The following SLC20A2 variants were observed in gnomAD, a reference collection of about 807,000 sequenced individuals.
The protein encoded by SLC20A2 is solute carrier family 20 member 2.
SLC20A2 carries 30 observed loss-of-function variants against 61.0 expected under a neutral mutation model. The ratio of observed to expected loss-of-function variants is 0.49; its 90% CI spans 0.37 to 0.67. SLC20A2 has a LOEUF of 0.67. Ranked by LOEUF, SLC20A2 falls within the 30% of genes least tolerant of loss-of-function variation. SLC20A2 has a pLI of 0.00. For synonymous variants in SLC20A2, 351 were observed against 353.3 expected (o/e 0.99, Z 0.07); for missense variants, 626 against 866.4 (o/e 0.72, Z 3.48).
At chr8:42,462,770 TA>T (rs1315169849) in intron 4 of SLC20A2, among the ~76,000 whole-genome samples, 3 of 152,208 alleles carry the variant, frequency 2.0e-5, no homozygotes, top group African/African-American at 4.8e-5. Flanking sequence ...ATTAATGAAC[TA>T]AAGTACAGAG....
At chr8:42,436,068 A>T (rs1804225380) in intron 8 of SLC20A2, among the ~76,000 whole-genome samples, 1 of 151,860 alleles carries the variant, frequency 6.6e-6, no homozygotes, top group Non-Finnish European at 1.5e-5. Flanking sequence ...GTGAGCTGAG[A>T]TTGCGCCACT....
intron 5 of SLC20A2, among the ~76,000 whole-genome samples, chr8:42,447,329 G>C (rs2131069366): frequency 1.3e-5 from 2 of 149,540 alleles, no homozygotes; most frequent in South Asian, 4.2e-4. Flanking sequence ...CTGGGCAACA[G>C]AGTGAGATCC....
At chr8:42,533,962 C>CCTCT (rs34431771) in intron 1 of SLC20A2, among the ~76,000 whole-genome samples, 102,714 of 150,794 alleles carry the variant, frequency 0.68, 35,768 homozygotes, top group African/African-American at 0.84. Flanking sequence ...AAAACTTCTC[C>CCTCT]CTCTCTTTGT....
intron 1 of SLC20A2, among the ~76,000 whole-genome samples, chr8:42,533,861 T>C (rs1812533966): frequency 6.6e-6 from 1 of 151,278 alleles, no homozygotes; most frequent in Non-Finnish European, 1.5e-5. Context: ...GGTTTCACTA[T>C]GTTGGTCAGG....
At chr8:42,449,688 C>G (rs994912194) in intron 5 of SLC20A2, among the ~76,000 whole-genome samples, 1 of 152,090 alleles carries the variant, frequency 6.6e-6, no homozygotes, top group Non-Finnish European at 1.5e-5. Flanking sequence ...CCATGCTTAT[C>G]GTAAAAATAT....
intron 8 of SLC20A2, among the ~76,000 whole-genome samples, chr8:42,434,079 A>G (rs1278677990): frequency 6.6e-6 from 1 of 151,930 alleles, no homozygotes; most frequent in Non-Finnish European, 1.5e-5. Context: ...ATTATTTTTG[A>G]GAGAGTCTCC....
intron 1 of SLC20A2, among the ~76,000 whole-genome samples, chr8:42,486,841 G>A (rs1809051710): frequency 6.6e-6 from 1 of 152,102 alleles, no homozygotes; most frequent in Non-Finnish European, 1.5e-5. Flanking sequence ...AATTTGGGAA[G>A]TTAAAATAAA....
At chr8:42,451,170 AGAG>A (rs1186335001) in intron 5 of SLC20A2, among the ~76,000 whole-genome samples, 1 of 149,872 alleles carries the variant, frequency 6.7e-6, no homozygotes, top group African/African-American at 2.5e-5. Context: ...AGGTGGAAGA[AGAG>A]AAGGAGGAGG....
chr8:42,518,461 C>T (rs964537970), intron 1 of SLC20A2, among the ~76,000 whole-genome samples: 8 of 152,158 alleles, frequency 5.3e-5, no homozygotes, highest in Non-Finnish European at 7.3e-5. Flanking sequence ...AATCCGGCTT[C>T]AGAATCATGT....
In SLC20A2 at chr8:42,437,396, G is replaced by C; in HGVS notation, c.1116C>G (p.Ala372=). 6.2e-7 allele frequency: 1 copy of C among 1,614,150 alleles called. No individual in the cohort carries two copies. Among genetic ancestry groups the C allele is most frequent in the Admixed American group, 1.7e-5 (1 of 60,032 alleles). Residue 372 remains alanine (A), a synonymous_variant, in exon 8 of 11, where the codon GCC becomes GCG. Transcript: ENST00000520262. The surrounding 1 kb of genome is among the most constrained non-coding windows in gnomAD (Gnocchi z 6.4). The part of the protein sequence containing the change: ...HIDRGPEEKP[A]QESNYRLLRR... The stretch of plus-strand genomic sequence containing the variant: ...GCAGCAGCCGGTAGTTGCTTTCCTG[G>C]GCTGGCTTCTCCTCGGGGCCCCTGT...
intron 1 of SLC20A2, among the ~76,000 whole-genome samples, chr8:42,490,529 G>A (rs1423663601): frequency 9.2e-5 from 14 of 152,244 alleles, no homozygotes; most frequent in African/African-American, 2.9e-4. Context: ...CCCAGGAGGC[G>A]GAGGTTGCAG....
In SLC20A2 at chr8:42,438,059, AAACC is replaced by A. The variant is rs1314194088; in HGVS notation, c.935-486_935-483del. ...GTAATATGGTTACCACTAAAAAAAA[AAACC>A]AAAAAAAAAAAAAAAAAAAAAAAAA... is the stretch of plus-strand genomic sequence containing the variant. On this transcript the variant is annotated intron_variant, in intron 7 of 10. Transcript: ENST00000520262. Among the ~76,000 whole-genome samples the A allele has an allele frequency of 3.4e-4, 44 of 130,802 alleles. 3 individuals carry two copies. The highest frequency in any genetic ancestry group is 1.2e-3 in the African/African-American group (38 of 31,744). The allele number at this position is 130,802 out of a possible 152,430, so 85.8% of individuals were successfully genotyped here.
At chr8:42,429,357 G>A (rs1040441501) in intron 9 of SLC20A2, among the ~76,000 whole-genome samples, 8 of 152,070 alleles carry the variant, frequency 5.3e-5, no homozygotes, top group Admixed American at 1.3e-4. Context: ...CTGCAGATGC[G>A]GGGCAGAGCT....
At chr8:42,518,725 C>G (rs547384785) in intron 1 of SLC20A2, among the ~76,000 whole-genome samples, 6 of 152,200 alleles carry the variant, frequency 3.9e-5, no homozygotes, top group Non-Finnish European at 8.8e-5. Context: ...CAAGATGGCT[C>G]AGCCCCACAC....
chr8:42,480,246 G>C (rs1020547874), intron 1 of SLC20A2, among the ~76,000 whole-genome samples: 1 of 152,186 alleles, frequency 6.6e-6, no homozygotes, highest in African/African-American at 2.4e-5. Context: ...CACCGCCTAA[G>C]ACTTTCAGGA....
chr8:42,438,063 C>CAAAAAAAAAAAAAAAAAAAAAAAAA lies in SLC20A2; in HGVS notation c.935-511_935-487dup, dbSNP rs1391262305. Among the ~76,000 whole-genome samples, 2 of 26,808 alleles carry CAAAAAAAAAAAAAAAAAAAAAAAAA rather than the reference C, an allele frequency of 7.5e-5. 1 individual carries two copies. The highest frequency in any genetic ancestry group is 1.6e-4 in the Non-Finnish European group (2 of 12,244). 17.6% of individuals were successfully genotyped at this position (26,808 alleles called of 152,430 possible). ...TATGGTTACCACTAAAAAAAAAAAC[C>CAAAAAAAAAAAAAAAAAAAAAAAAA]AAAAAAAAAAAAAAAAAAAAAAAAA... On this transcript the variant is annotated intron_variant, in intron 7 of 10. Coordinates refer to ENST00000520262, the MANE Select transcript of SLC20A2 (RefSeq NM_001257180.2).
At chr8:42,506,306 G>A (rs886255805) in intron 1 of SLC20A2, among the ~76,000 whole-genome samples, 4 of 152,178 alleles carry the variant, frequency 2.6e-5, no homozygotes, top group South Asian at 2.1e-4. Flanking sequence ...TGTACCCCAC[G>A]ACCTACTAGC....
Position 42,441,941 on chromosome 8 carries a change from T to C in SLC20A2, c.731-2288A>G, listed in dbSNP as rs569280004. On this transcript the variant is annotated intron_variant, in intron 6 of 10. Coordinates refer to ENST00000520262, the MANE Select transcript of SLC20A2 (RefSeq NM_001257180.2). ...TGAAGTACAATTTATCAAGTTGTCCTTTTTTTTTTTGAGATGGAGTTTTGC... is the reference window on the plus strand; with the variant it reads ...TGAAGTACAATTTATCAAGTTGTCCCTTTTTTTTTTGAGATGGAGTTTTGC... Among the ~76,000 whole-genome samples the C allele has an allele frequency of 1.8e-3, 259 of 145,692 alleles. 9 individuals carry two copies. Among genetic ancestry groups the C allele is most frequent in the African/African-American group, 6.3e-3 (246 of 39,134 alleles).
At chr8:42,468,434 G>C (rs192873236) in intron 2 of SLC20A2, among the ~76,000 whole-genome samples, 6 of 152,286 alleles carry the variant, frequency 3.9e-5, no homozygotes, top group Non-Finnish European at 7.3e-5. Context: ...GGAGACAGGG[G>C]ACAGCTGAGG....
Sources: gnomAD v4.1 joint callset for allele counts (sites outside exome capture counted in the v4.1 genomes callset) on GRCh38, gnomAD v4.1.1 for gene constraint, Gnocchi (gnomAD v3.1) non-coding constraint, MANE v1.5 for transcripts, NCBI Gene and HGNC (gene_info 2026-07-23, HGNC 2026-07-21) for gene names.